CCDC120: variants seen among roughly 807,000 people sequenced by gnomAD.
CCDC120 encodes coiled-coil domain containing 120, also known as coiled-coil domain-containing protein 120.
Under a neutral mutation model 37.6 loss-of-function variants are expected in CCDC120, and 16 were observed. The observed-to-expected ratio is 0.43, with a 90% CI of 0.29 to 0.65. The LOEUF is 0.65. CCDC120 is among the 30% of genes least tolerant of loss of function. The probability of loss-of-function intolerance (pLI) is 0.18; values close to 1 mark genes in which losing one functional copy is unlikely to be tolerated. For missense variants in CCDC120, 650 were observed against 657.4 expected (o/e 0.99, Z 0.12); for synonymous variants, 309 against 275.4 (o/e 1.12, Z -1.21).
intron 4 of CCDC120, 196 bp downstream of exon 4, chrX:49,062,797 C>T (rs781848429): frequency 4.3e-5 from 20 of 467,403 alleles, no homozygotes; most frequent in South Asian, 3.9e-4. Flanking sequence ...CTGTGGCTCA[C>T]GCCTGTAATC....
At chrX:49,060,836 C>A (rs1413777692) in intron 1 of CCDC120, among the ~76,000 whole-genome samples, 1 of 112,016 alleles carries the variant, frequency 8.9e-6, no homozygotes, top group Non-Finnish European at 1.9e-5. Flanking sequence ...CTTGGCCTCA[C>A]CCCACAATAC....
In CCDC120 at chrX:49,059,264, G is replaced by A. The variant is rs782163209; in HGVS notation, c.-84+169G>A. Reference sequence around the variant, plus strand: ...GGGGGGTAGGGGGGCAGTGAGAATGGAGGGCCTGAGGACAGGGGCAAAGCC... The same window carrying A: ...GGGGGGTAGGGGGGCAGTGAGAATGAAGGGCCTGAGGACAGGGGCAAAGCC... On this transcript the variant is annotated intron_variant, in intron 1 of 10. Coordinates refer to ENST00000603986, the MANE Select transcript of CCDC120 (RefSeq NM_001163321.4). The A allele has an allele frequency of 4.5e-5, 29 of 638,440 alleles. No homozygotes were observed. In the African/African-American group the frequency reaches 6.8e-4, roughly 15 times the overall value. 52.6% of individuals were successfully genotyped at this position (638,440 alleles called of 1,213,427 possible).
upstream of CCDC120, among the ~76,000 whole-genome samples, chrX:49,054,805 A>C (rs1557078157): frequency 9.1e-6 from 1 of 110,126 alleles, no homozygotes; most frequent in Non-Finnish European, 1.9e-5. Flanking sequence ...ATCCTGTGAT[A>C]ACTCTGGCTC....
chrX:49,064,546 C>T lies in CCDC120; in HGVS notation c.606C>T (p.Val202=). The part of the protein sequence containing the change: ...LHELEEQLRD[V]RARLGLPVLP... ...AGCTAGAGGAGCAGCTCAGGGATGT[C>T]CGGGCCCGCCTTGGCCTCCCAGTGC... The change falls in exon 6 of 11, where the codon GTC becomes GTT. Residue 202 remains valine, a synonymous_variant. Coordinates refer to ENST00000603986, the MANE Select transcript of CCDC120 (RefSeq NM_001163321.4). 1 of 1,177,832 alleles carries T rather than the reference C, an allele frequency of 8.5e-7. No individual in the cohort carries two copies. The highest frequency in any genetic ancestry group is 1.1e-6 in the Non-Finnish European group (1 of 878,427).
rs782113608 is a variant in CCDC120 at position 49,064,488 on chromosome X, A to G, written c.548A>G (p.Gln183Arg). 1.7e-6 allele frequency: 2 copies of G among 1,167,136 alleles called. No homozygotes were observed. The highest frequency in any genetic ancestry group is 3.7e-5 in the South Asian group (2 of 53,559). ...LSTEQRRRRR[Q>R]VQADALRRLH... ...ACCGAGCAGCGCCGGCGCCGGCGCC[A>G]GGTCCAGGCAGATGCACTGAGGAGG... The change falls in exon 6 of 11, where the codon CAG (glutamine) becomes CGG (arginine). Residue 183 changes from glutamine to arginine, a missense_variant. By Grantham distance (43) the Gln-to-Arg change is conservative. Around this residue, in one of 3 missense-constraint regions of CCDC120, gnomAD observed 576 missense variants for 565.3 expected, o/e 1.02. Transcript: ENST00000603986.
intron 7 of CCDC120, 98 bp downstream of exon 7, chrX:49,065,196 C>T: frequency 1.1e-6 from 1 of 877,576 alleles, no homozygotes; most frequent in Non-Finnish European, 1.6e-6. Context: ...TCAGCCCATC[C>T]TTTGATGCCC....
At chrX:49,061,824 G>A in intron 1 of CCDC120, 135 bp from the exon 2 acceptor site, 1 of 637,709 alleles carries the variant, frequency 1.6e-6, no homozygotes, top group Non-Finnish European at 2.3e-6. Context: ...CTAAAATGGG[G>A]ATACGAATCT....
Position 49,062,471 on chromosome X carries a change from C to T in CCDC120, c.158C>T (p.Ala53Val), listed in dbSNP as rs1557079724. The T allele has an allele frequency of 3.3e-6, 4 of 1,210,696 alleles. No individual in the cohort carries two copies. In the Admixed American group the frequency reaches 8.7e-5, roughly 26 times the overall value. ...TCTTTGCTCCCTCTGTGTCCAGCTG[C>T]CCTGTTCGGAGAGGCTGCCCCCCAG... ...ISSPTFNAPA[A>V]LFGEAAPQVK... The change falls in exon 4 of 11, where the codon GCC becomes GTC. Residue 53 changes from alanine to valine, a missense_variant. By Grantham distance (64) the Ala-to-Val change is moderately conservative. Transcript: ENST00000603986.
intron 1 of CCDC120, among the ~76,000 whole-genome samples, chrX:49,060,136 A>G (rs1173535899): frequency 9.0e-6 from 1 of 111,581 alleles, no homozygotes; most frequent in African/African-American, 3.3e-5. Flanking sequence ...TTAGAGAAGA[A>G]AGGATTGGCT....
chrX:49,067,707 C>CA lies in CCDC120; in HGVS notation c.1595dup (p.Asn532LysfsTer18). The CA allele has an allele frequency of 8.4e-7, 1 of 1,196,431 alleles. No homozygotes were observed. The highest frequency in any genetic ancestry group is 1.1e-6 in the Non-Finnish European group (1 of 885,093). ...CACCACCTGTGTATGCAGCTGACAG[C>CA]AACAGCCCCCTCCTCCGCACCAAGG... On this transcript the variant is annotated frameshift_variant, in exon 10 of 11. Coordinates refer to ENST00000603986, the MANE Select transcript of CCDC120 (RefSeq NM_001163321.4). LOFTEE classifies it high-confidence loss of function.
Position 49,062,032 on chromosome X carries a change from C to T in CCDC120, c.-10C>T, listed in dbSNP as rs1557079552. On this transcript the variant is annotated 5_prime_UTR_variant, in exon 2 of 11. Transcript: ENST00000603986. ...TCCGCCCAGCTCCCCACTTGCTGTG[C>T]TCTCACTCAATGCGAAGGGAACCAA... 8.6e-7 allele frequency: 1 copy of T among 1,156,316 alleles called. No homozygotes were observed. Among genetic ancestry groups the T allele is most frequent in the Admixed American group, 2.6e-5 (1 of 38,711 alleles).
chrX:49,054,979 C>T (rs1032763389), upstream of CCDC120, among the ~76,000 whole-genome samples: 5 of 111,915 alleles, frequency 4.5e-5, no homozygotes, highest in Non-Finnish European at 7.5e-5. Context: ...ATACTGTGCC[C>T]GGAACTTGAA....
chrX:49,063,913 C>T lies in CCDC120; in HGVS notation c.341C>T (p.Pro114Leu). The T allele has an allele frequency of 2.5e-6, 3 of 1,210,226 alleles. No homozygotes were observed. Among genetic ancestry groups the T allele is most frequent in the Admixed American group, 2.2e-5 (1 of 45,887 alleles). Residue 114 changes from proline to leucine, a missense_variant, in exon 5 of 11, where the codon CCC (proline) becomes CTC (leucine). By Grantham distance (98) the Pro-to-Leu change is moderately conservative. Around this residue, in one of 3 missense-constraint regions of CCDC120, gnomAD observed 576 missense variants for 565.3 expected, o/e 1.02. Transcript: ENST00000603986. Reference sequence around the variant, plus strand: ...TGCCCACTAGAGCCTGGTGAACGGCCCCAGTTGGTCCGCCGGCGGCCCCCC... The same window carrying T: ...TGCCCACTAGAGCCTGGTGAACGGCTCCAGTTGGTCCGCCGGCGGCCCCCC... The part of the protein sequence containing the change: ...PECPLEPGER[P>L]QLVRRRPPTA...
At chrX:49,057,465 C>T (rs1301029351), upstream of CCDC120, among the ~76,000 whole-genome samples, 1 of 112,309 alleles carries the variant, frequency 8.9e-6, no homozygotes, top group Non-Finnish European at 1.9e-5. Flanking sequence ...TTCCCAACAT[C>T]TTTGGTGGCC....
chrX:49,064,259 G>C (rs966201655), intron 5 of CCDC120, 111 bp from the exon 6 acceptor site: 2 of 888,135 alleles, frequency 2.3e-6, no homozygotes, highest in Admixed American at 3.9e-5. Context: ...CCCCCTCCCC[G>C]GGGTGAATAG....
At chrX:49,066,852 A>G (rs1347288549) in intron 9 of CCDC120, 13 of 259,097 alleles carry the variant, frequency 5.0e-5, no homozygotes, top group African/African-American at 2.5e-4. Context: ...GGGAGGGGTC[A>G]GCTGGATTAG....
intron 7 of CCDC120, 33 bp downstream of exon 7, chrX:49,065,131 A>T: frequency 8.5e-7 from 1 of 1,171,765 alleles, no homozygotes; most frequent in Non-Finnish European, 1.2e-6. Flanking sequence ...CCTGCCCCCG[A>T]CTCCTACGTC....
At chrX:49,056,463 C>T (rs926591891), upstream of CCDC120, among the ~76,000 whole-genome samples, 1 of 108,777 alleles carries the variant, frequency 9.2e-6, no homozygotes, top group Admixed American at 9.8e-5. Flanking sequence ...CCCGTCTCTA[C>T]TAAAAATACA....
rs1266523299 is a variant in CCDC120, at chrX:49,065,073, A to G, written c.762A>G (p.Ser254=). The G allele has an allele frequency of 1.7e-6, 2 of 1,209,488 alleles. No individual in the cohort carries two copies. The highest frequency in any genetic ancestry group is 3.5e-5 in the African/African-American group (2 of 57,079). The part of the protein sequence containing the change: ...VVLHSESSSL[S]ESGASHDNEE... ...TGCACTCAGAGAGCAGCTCCCTCTC[A>G]GAGTCTGGGGCCAGCCATGACAACG... The change falls in exon 7 of 11, where the codon TCA becomes TCG. Residue 254 remains serine, a synonymous_variant. Coordinates refer to ENST00000603986, the MANE Select transcript of CCDC120 (RefSeq NM_001163321.4).
Sources: gnomAD v4.1 joint callset for allele counts (sites outside exome capture counted in the v4.1 genomes callset) on GRCh38, gnomAD v4.1.1 for gene constraint, gnomAD v4.1.1 regional missense constraint, MANE v1.5 for transcripts, NCBI Gene and HGNC (gene_info 2026-07-23, HGNC 2026-07-21) for gene names.